The following DNAJC21 variants were observed in gnomAD, a reference collection of about 807,000 sequenced individuals.
The protein encoded by DNAJC21 is dnaJ homolog subfamily C member 21.
In DNAJC21, 63 loss-of-function variants were observed where a neutral mutation model predicts 72.4. That is an observed-to-expected ratio of 0.87 (90% CI 0.71 to 1.07). The LOEUF is 1.07. DNAJC21 is among the 50% of genes least tolerant of loss of function. DNAJC21 has a pLI of 0.00. For synonymous variants in DNAJC21, 203 were observed against 216.7 expected (o/e 0.94, Z 0.56); for missense variants, 634 against 644.8 (o/e 0.98, Z 0.18).
In DNAJC21 at chr5:34,944,857, G is replaced by A. The variant is rs781384132; in HGVS notation, c.984-10G>A. On this transcript the variant is annotated splice_polypyrimidine_tract_variant and intron_variant, in intron 7 of 11. Transcript: ENST00000648817. ...TTAGCGCAGCTGCTCACGTCAGATT[G>A]CTCTTTCAGCATGAAGAATCACGAG... 4.8e-5 allele frequency: 78 copies of A among 1,613,940 alleles called. No individual in the cohort carries two copies. Among genetic ancestry groups the A allele is most frequent in the Admixed American group, 1.0e-4 (6 of 59,986 alleles).
intron 9 of DNAJC21, chr5:34,949,422 T>C: frequency 6.8e-7 from 1 of 1,461,810 alleles, no homozygotes. Context: ...CCCCCTATCC[T>C]GTATATCCCT....
chr5:34,939,106 A>T (rs1476637957), intron 6 of DNAJC21, 97 bp downstream of exon 6: 3 of 1,110,420 alleles, frequency 2.7e-6, no homozygotes, highest in East Asian at 5.2e-5. Flanking sequence ...AAATGTGGCA[A>T]ATAATTAAAA....
chr5:34,944,285 C>T (rs1423638084), intron 7 of DNAJC21, among the ~76,000 whole-genome samples: 1 of 152,134 alleles, frequency 6.6e-6, no homozygotes, highest in Non-Finnish European at 1.5e-5. Flanking sequence ...AGGTGAAAAG[C>T]AGCTGTTGAA....
rs548660111 is a variant in DNAJC21 at position 34,957,679 on chromosome 5, T to C, written c.*2965T>C. ...ACTCTTGTATTTGTAGAAGATTGTC[T>C]CTAAAATTGTGGTTTAACTCACGCA... On this transcript the variant is annotated 3_prime_UTR_variant, in exon 12 of 12. Coordinates refer to ENST00000648817, the MANE Select transcript of DNAJC21 (RefSeq NM_001012339.3). 11 of 152,326 alleles carry C rather than the reference T, an allele frequency of 7.2e-5. No individual in the cohort carries two copies. The highest frequency in any genetic ancestry group is 2.6e-4 in the African/African-American group (11 of 41,568). 9.4% of individuals were successfully genotyped at this position (152,326 alleles called of 1,614,324 possible).
intron 9 of DNAJC21, chr5:34,949,436 C>T: frequency 6.6e-6 from 10 of 1,507,138 alleles, no homozygotes; most frequent in South Asian, 1.3e-5. Flanking sequence ...TATCCCTATA[C>T]AGGAAAAGGA....
chr5:34,945,711 A>C, intron 8 of DNAJC21, 50 bp from the exon 9 acceptor site: 2 of 1,464,944 alleles, frequency 1.4e-6, no homozygotes, highest in Non-Finnish European at 9.0e-7. Context: ...TTTTCCACTT[A>C]CTCTTCACAG....
intron 9 of DNAJC21, among the ~76,000 whole-genome samples, chr5:34,948,899 TTTA>T (rs1363372986): frequency 6.6e-6 from 1 of 151,978 alleles, no homozygotes; most frequent in Non-Finnish European, 1.5e-5. Flanking sequence ...ATAGGAAAGC[TTTA>T]TTATTACAGA....
At chr5:34,935,008 G>A (rs1764725052) in intron 2 of DNAJC21, among the ~76,000 whole-genome samples, 1 of 152,130 alleles carries the variant, frequency 6.6e-6, no homozygotes, top group African/African-American at 2.4e-5. Context: ...TCAAGATCTT[G>A]GGTTGTTTTC....
At chr5:34,941,697 G>A (rs1324610790) in intron 7 of DNAJC21, among the ~76,000 whole-genome samples, 1 of 150,680 alleles carries the variant, frequency 6.6e-6, no homozygotes, top group East Asian at 2.0e-4. Context: ...CTCCCGAGTA[G>A]CTGGGACTAC....
At position 34,958,609 on chromosome 5, in the gene DNAJC21, C is replaced by G. The variant is rs1477196277; in HGVS notation, c.*3895C>G. 6.6e-6 allele frequency: 1 copy of G among 152,060 alleles called. No individual in the cohort carries two copies. The highest frequency in any genetic ancestry group is 1.5e-5 in the Non-Finnish European group (1 of 68,030). The allele number at this position is 152,060 out of a possible 1,614,324, so 9.4% of individuals were successfully genotyped here. A position where few individuals can be genotyped will look rare whatever the true frequency, so the allele number is the denominator to read the frequency against. On this transcript the variant is annotated 3_prime_UTR_variant, in exon 12 of 12. Coordinates refer to ENST00000648817, the MANE Select transcript of DNAJC21 (RefSeq NM_001012339.3). ...AGACTGTAAAAGAACAAGCTACAGACAAGGAAATGTTTGCAATGCATGGAA... is the reference window on the plus strand; with the variant it reads ...AGACTGTAAAAGAACAAGCTACAGAGAAGGAAATGTTTGCAATGCATGGAA...
At chr5:34,939,146 C>G in intron 6 of DNAJC21, 137 bp downstream of exon 6, 1 of 757,128 alleles carries the variant, frequency 1.3e-6, no homozygotes, top group Non-Finnish European at 2.0e-6. Context: ...AGGTAGTCGG[C>G]TGAGCTAGTC....
intron 9 of DNAJC21, among the ~76,000 whole-genome samples, chr5:34,947,063 G>C (rs953564694): frequency 6.6e-6 from 1 of 152,134 alleles, no homozygotes; most frequent in Admixed American, 6.5e-5. Context: ...GAAATGTACT[G>C]ATAGATTTAA....
At chr5:34,939,133 C>G (rs936442072) in intron 6 of DNAJC21, 124 bp downstream of exon 6, 3 of 881,914 alleles carry the variant, frequency 3.4e-6, no homozygotes, top group Non-Finnish European at 5.0e-6. Flanking sequence ...TTGTATGGGC[C>G]AAAGGTAGTC....
chr5:34,950,891 G>C (rs1438924293), intron 10 of DNAJC21: 1 of 985,548 alleles, frequency 1.0e-6, no homozygotes, highest in Non-Finnish European at 1.2e-6. Flanking sequence ...TCCTCCTCTT[G>C]TCTGACTTTC....
At chr5:34,949,746 G>T in intron 9 of DNAJC21, 1 of 1,595,428 alleles carries the variant, frequency 6.3e-7, no homozygotes. Context: ...CATTGTTTGT[G>T]ACTGTAGAAG....
intron 10 of DNAJC21, chr5:34,951,180 G>A (rs1765353077): frequency 1.0e-6 from 1 of 985,408 alleles, no homozygotes; most frequent in Non-Finnish European, 1.2e-6. Context: ...ATAGAAAAAG[G>A]TATATAAAGA....
chr5:34,945,714 C>A (rs1302150571), intron 8 of DNAJC21, 47 bp from the exon 9 acceptor site: 1 of 1,484,636 alleles, frequency 6.7e-7, no homozygotes, highest in Non-Finnish European at 8.9e-7. Flanking sequence ...TCCACTTACT[C>A]TTCACAGAGT....
chr5:34,948,066 TG>T (rs1158794279), intron 9 of DNAJC21, among the ~76,000 whole-genome samples: 1 of 152,200 alleles, frequency 6.6e-6, no homozygotes, highest in Non-Finnish European at 1.5e-5. Context: ...AGGAATTAAA[TG>T]AATAAATTGT....
Position 34,929,587 on chromosome 5 carries a change from C to T in DNAJC21, c.-233C>T, listed in dbSNP as rs1256460110. The stretch of plus-strand genomic sequence containing the variant: ...CGAAGCGGCGGCCGCCGGCACCGCC[C>T]CCGCCGCGCTCCCGCTTGCCGCAGC... On this transcript the variant is annotated 5_prime_UTR_variant, in exon 1 of 12. Transcript: ENST00000648817. 6.5e-6 allele frequency: 1 copy of T among 153,254 alleles called. No homozygotes were observed. Among genetic ancestry groups the T allele is most frequent in the Non-Finnish European group, 1.5e-5 (1 of 68,856 alleles). 9.5% of individuals were successfully genotyped at this position (153,254 alleles called of 1,614,324 possible). A position where few individuals can be genotyped will look rare whatever the true frequency, so the allele number is the denominator to read the frequency against.
Sources: gnomAD v4.1 joint callset for allele counts (sites outside exome capture counted in the v4.1 genomes callset) on GRCh38, gnomAD v4.1.1 for gene constraint, MANE v1.5 for transcripts, NCBI Gene and HGNC (gene_info 2026-07-23, HGNC 2026-07-21) for gene names.